ZNF831: variants seen among roughly 807,000 people sequenced by gnomAD.
ZNF831 encodes the protein chromosome 20 open reading frame 174.
In ZNF831, 59 loss-of-function variants were observed where a neutral mutation model predicts 95.8. The observed-to-expected ratio is 0.62, with a 90% CI of 0.50 to 0.77. The LOEUF is 0.77. Ranked by LOEUF, ZNF831 falls within the 30% of genes least tolerant of loss-of-function variation. ZNF831 has a pLI of 0.00. For missense variants in ZNF831, 2,205 were observed against 2,164.0 expected (o/e 1.02, Z -0.38); for synonymous variants, 961 against 925.5 (o/e 1.04, Z -0.70).
At position 59,217,769 on chromosome 20, in the gene ZNF831, GTTTA is replaced by G. The variant is rs1199531305; in HGVS notation, c.4027+10729_4027+10732del. 7.9e-5 allele frequency among the ~76,000 whole-genome samples: 12 copies of G among 152,178 alleles called. No homozygotes were observed. In the South Asian group the frequency reaches 2.1e-3, roughly 26 times the overall value. On this transcript the variant is annotated intron_variant, in intron 4 of 5. Coordinates refer to ENST00000371030, the MANE Select transcript of ZNF831 (RefSeq NM_178457.3). The surrounding 1 kb of genome is among the most constrained non-coding windows in gnomAD (Gnocchi z 4.4). ...AGAACATGGAGGGACGATAAGACTC[GTTTA>G]TTTATTTATTTATTTTTTTAAATCA... is the stretch of plus-strand genomic sequence containing the variant.
At chr20:59,164,816 T>C (rs1981123689) in intron 1 of ZNF831, among the ~76,000 whole-genome samples, 2 of 152,184 alleles carry the variant, frequency 1.3e-5, no homozygotes, top group Admixed American at 6.5e-5. Flanking sequence ...AGATCAGCCA[T>C]GGAAGCCATG....
upstream of ZNF831, among the ~76,000 whole-genome samples, chr20:59,162,315 T>A (rs970255521): frequency 1.3e-5 from 2 of 152,236 alleles, no homozygotes; most frequent in African/African-American, 4.8e-5. Context: ...GACTTAGTCT[T>A]AAATTCTTTG....
intron 2 of ZNF831, among the ~76,000 whole-genome samples, chr20:59,195,131 G>T (rs1396347525): frequency 6.6e-6 from 1 of 152,188 alleles, no homozygotes; most frequent in Non-Finnish European, 1.5e-5. Flanking sequence ...TTATAAGCCA[G>T]AGACTCCCAA....
chr20:59,223,989 C>T (rs1986270837), intron 4 of ZNF831, among the ~76,000 whole-genome samples: 1 of 152,212 alleles, frequency 6.6e-6, no homozygotes, highest in African/African-American at 2.4e-5. Context: ...ACATCCAGGC[C>T]ACTGGAGCCA....
chr20:59,167,321 T>C (rs564242501), intron 1 of ZNF831, among the ~76,000 whole-genome samples: 1 of 152,280 alleles, frequency 6.6e-6, no homozygotes, highest in South Asian at 2.1e-4. Context: ...TAGTTCTGTA[T>C]AGATTTTAAA....
At position 59,134,811 on chromosome 20, in the gene ZNF831, G is replaced by A. The variant is rs112299667; in HGVS notation, c.-1425+11306G>A. Among the ~76,000 whole-genome samples, 116 of 152,256 alleles carry A rather than the reference G, an allele frequency of 7.6e-4. 1 individual carries two copies. Among genetic ancestry groups the A allele is most frequent in the African/African-American group, 2.6e-3 (107 of 41,538 alleles). ...ATCTCAACTTTGCTTCTTACTAACC[G>A]TACAATCTTGGGGAAGTCATTCGAT... is the stretch of plus-strand genomic sequence containing the variant. On this transcript the variant is annotated intron_variant, in intron 1 of 7. Coordinates refer to the ZNF831 transcript ENST00000637017.
At chr20:59,218,541 TCTCTGGGCAG>T (rs1286899580) in intron 4 of ZNF831, among the ~76,000 whole-genome samples, 1 of 151,676 alleles carries the variant, frequency 6.6e-6, no homozygotes, top group Non-Finnish European at 1.5e-5. Flanking sequence ...TCTCTCTCCA[TCTCTGGGCAG>T]CTCTGGTCCT....
chr20:59,193,878 A>G lies in ZNF831; in HGVS notation c.2859A>G (p.Pro953=). 6.2e-7 allele frequency: 1 copy of G among 1,610,318 alleles called. No homozygotes were observed. The highest frequency in any genetic ancestry group is 8.5e-7 in the Non-Finnish European group (1 of 1,178,268). ...LRLPQAETPL[P]LPIPWGPRHS... is the part of the protein sequence containing the mutation. Reference sequence around the variant, plus strand: ...TACCTCAGGCAGAGACCCCCTTACCACTGCCCATTCCCTGGGGACCAAGGC... The same window carrying G: ...TACCTCAGGCAGAGACCCCCTTACCGCTGCCCATTCCCTGGGGACCAAGGC... The change falls in exon 2 of 6, where the codon CCA becomes CCG. Residue 953 remains proline, a synonymous_variant. Coordinates refer to ENST00000371030, the MANE Select transcript of ZNF831 (RefSeq NM_178457.3).
At chr20:59,232,878 A>G (rs1055089805) in intron 4 of ZNF831, among the ~76,000 whole-genome samples, 3 of 152,224 alleles carry the variant, frequency 2.0e-5, no homozygotes, top group African/African-American at 7.2e-5. Flanking sequence ...ACATTTTTGG[A>G]GCACTACGTT....
intron 1 of ZNF831, among the ~76,000 whole-genome samples, chr20:59,164,948 A>G (rs1266333705): frequency 2.0e-5 from 3 of 152,258 alleles, no homozygotes; most frequent in Non-Finnish European, 4.4e-5. Context: ...TGGTAACATT[A>G]GCTGACTGGG....
At position 59,254,772 on chromosome 20, in the gene ZNF831, A is replaced by G. The variant is rs2146774937; in HGVS notation, c.*29A>G. 1 of 1,546,230 alleles carries G rather than the reference A, an allele frequency of 6.5e-7. No homozygotes were observed. On this transcript the variant is annotated 3_prime_UTR_variant, in exon 6 of 6. Coordinates refer to ENST00000371030, the MANE Select transcript of ZNF831 (RefSeq NM_178457.3). This position sits in a 1 kb window ranked among gnomAD's most constrained non-coding sequence, Gnocchi z 4.5. Reference sequence around the variant, plus strand: ...TTCCAGAGAAACATGGTGTCTGGTCAAAAAGACTGTTGACGCTTCACAAGT... The same window carrying G: ...TTCCAGAGAAACATGGTGTCTGGTCGAAAAGACTGTTGACGCTTCACAAGT...
chr20:59,152,865 G>A (rs1231552486), intron 2 of ZNF831, among the ~76,000 whole-genome samples: 8 of 152,144 alleles, frequency 5.3e-5, no homozygotes, highest in Admixed American at 5.2e-4. Context: ...GCAGAGGCTG[G>A]CCTACATGGG....
At position 59,230,744 on chromosome 20, in the gene ZNF831, G is replaced by A. The variant is rs536167216; in HGVS notation, c.4028-22234G>A. On this transcript the variant is annotated intron_variant, in intron 4 of 5. Coordinates refer to ENST00000371030, the MANE Select transcript of ZNF831 (RefSeq NM_178457.3). The stretch of plus-strand genomic sequence containing the variant: ...AATTTACCAAGGAGATATGGGGATA[G>A]CCAAAGTTTAGGAACTAGGCTAAAG... Among the ~76,000 whole-genome samples, 3 of 152,340 alleles carry A rather than the reference G, an allele frequency of 2.0e-5. No individual in the cohort carries two copies. The East Asian group carries it at 5.8e-4, about 29-fold the overall frequency.
chr20:59,242,189 T>A (rs1987375549), intron 4 of ZNF831, among the ~76,000 whole-genome samples: 1 of 152,198 alleles, frequency 6.6e-6, no homozygotes. Flanking sequence ...TCAGGATTAA[T>A]GAAGGAGAGA....
chr20:59,184,038 TC>T (rs149030011), intron 1 of ZNF831, among the ~76,000 whole-genome samples: 12,655 of 151,490 alleles, frequency 0.084, 727 homozygotes, highest in Non-Finnish European at 0.12. Context: ...CATCCCCTCC[TC>T]CCCCAACCCC....
At chr20:59,188,331 A>G (rs769745506) in intron 1 of ZNF831, among the ~76,000 whole-genome samples, 3 of 152,082 alleles carry the variant, frequency 2.0e-5, no homozygotes, top group Non-Finnish European at 4.4e-5. Context: ...TTATTAGTTT[A>G]TTATTATTAT....
At chr20:59,127,252 A>G (rs1482797361) in intron 1 of ZNF831, among the ~76,000 whole-genome samples, 1 of 151,988 alleles carries the variant, frequency 6.6e-6, no homozygotes, top group Admixed American at 6.6e-5. Flanking sequence ...TCTTGAGTCC[A>G]CGTCACCATT....
At chr20:59,200,704 A>G (rs1022194781) in intron 3 of ZNF831, among the ~76,000 whole-genome samples, 1 of 152,164 alleles carries the variant, frequency 6.6e-6, no homozygotes, top group African/African-American at 2.4e-5. Context: ...TGCCTTTTCT[A>G]GAATTTTATA....
chr20:59,250,263 A>G (rs1987818199), intron 4 of ZNF831, among the ~76,000 whole-genome samples: 1 of 152,148 alleles, frequency 6.6e-6, no homozygotes, highest in African/African-American at 2.4e-5. Context: ...AAATGTGAAT[A>G]CTGCATATGA....
Sources: allele counts gnomAD v4.1 joint callset (sites outside exome capture counted in the v4.1 genomes callset), GRCh38; gene constraint gnomAD v4.1.1; non-coding constraint Gnocchi (gnomAD v3.1); transcripts MANE v1.5; gene names NCBI Gene and HGNC (gene_info 2026-07-23, HGNC 2026-07-21).